The following PCLO variants were observed in gnomAD, a reference collection of about 807,000 sequenced individuals.
PCLO encodes the protein protein piccolo.
In PCLO, 82 loss-of-function variants were observed where a neutral mutation model predicts 427.5. The ratio of observed to expected loss-of-function variants is 0.19; its 90% CI spans 0.16 to 0.23. The LOEUF is 0.23. PCLO is among the 10% of genes least tolerant of loss of function. The probability of loss-of-function intolerance (pLI) is 1.00; values close to 1 mark genes in which losing one functional copy is unlikely to be tolerated. For missense variants in PCLO, 6,239 were observed against 6,115.9 expected, an observed-to-expected ratio of 1.02 and a Z score of -0.67; for synonymous variants, 2,357 against 2,155.4, an observed-to-expected ratio of 1.09 and a Z score of -2.59.
intron 2 of PCLO, among the ~76,000 whole-genome samples, chr7:83,146,020 A>C (rs2116653569): frequency 6.6e-6 from 1 of 152,330 alleles, no homozygotes; most frequent in South Asian, 2.1e-4. Flanking sequence ...ACCCATCTTT[A>C]AAATGTAGAT....
At chr7:82,979,386 T>C (rs1350356817) in intron 3 of PCLO, among the ~76,000 whole-genome samples, 1 of 152,200 alleles carries the variant, frequency 6.6e-6, no homozygotes, top group Non-Finnish European at 1.5e-5. Context: ...TTTTATTTAA[T>C]GATTCTTCAG....
intron 3 of PCLO, among the ~76,000 whole-genome samples, chr7:82,971,499 A>T (rs1456690281): frequency 6.7e-6 from 1 of 148,350 alleles, no homozygotes; most frequent in Non-Finnish European, 1.5e-5. Context: ...AATTTTATAT[A>T]TATAATAAAA....
At chr7:83,108,169 A>G (rs961502590) in intron 3 of PCLO, among the ~76,000 whole-genome samples, 4 of 152,052 alleles carry the variant, frequency 2.6e-5, no homozygotes, top group African/African-American at 4.8e-5. Context: ...ATGTGAGAGA[A>G]AAAAATCTCT....
intron 13 of PCLO, among the ~76,000 whole-genome samples, chr7:82,843,004 A>G (rs1038816703): frequency 4.6e-5 from 7 of 152,080 alleles, no homozygotes; most frequent in African/African-American, 1.4e-4. Flanking sequence ...AGGTTCCTCA[A>G]AAAAATTAAA....
At chr7:83,037,422 T>C (rs1788823115) in intron 3 of PCLO, among the ~76,000 whole-genome samples, 1 of 152,082 alleles carries the variant, frequency 6.6e-6, no homozygotes, top group Non-Finnish European at 1.5e-5. Context: ...TTTAGAATAA[T>C]AGTTGGTTTT....
chr7:83,068,259 ATAGT>A (rs1205648801), intron 3 of PCLO, among the ~76,000 whole-genome samples: 2 of 152,186 alleles, frequency 1.3e-5, no homozygotes, highest in Admixed American at 1.3e-4. Context: ...TGAAAGTATC[ATAGT>A]TAGATCATAG....
chr7:83,139,610 A>G (rs946058072), intron 2 of PCLO, among the ~76,000 whole-genome samples: 8 of 152,212 alleles, frequency 5.3e-5, no homozygotes, highest in Non-Finnish European at 1.0e-4. Flanking sequence ...GGAAAATAGG[A>G]GTCACTGTCC....
chr7:82,832,503 T>C (rs1792119973), intron 16 of PCLO, among the ~76,000 whole-genome samples: 3 of 152,104 alleles, frequency 2.0e-5, no homozygotes, highest in Admixed American at 1.3e-4. Flanking sequence ...ACCACCCTCC[T>C]TGGGCTCCCA....
rs576887895 is a variant in PCLO at position 82,863,037 on chromosome 7, G to C, written c.13655-15790C>G. Among the ~76,000 whole-genome samples, 5 of 152,112 alleles carry C rather than the reference G, an allele frequency of 3.3e-5. No homozygotes were observed. In the East Asian group the frequency reaches 9.6e-4, roughly 29 times the overall value. ...TTTGTAACTCAAAGGATAAATGCTT[G>C]AGGGCATGGATACCCTATTCTCCAT... On this transcript the variant is annotated intron_variant, in intron 10 of 24. Coordinates refer to ENST00000333891, the MANE Select transcript of PCLO (RefSeq NM_033026.6).
At chr7:82,902,609 C>G in intron 9 of PCLO, 42 bp downstream of exon 9, 1 of 1,205,928 alleles carries the variant, frequency 8.3e-7, no homozygotes, top group South Asian at 1.3e-5. Flanking sequence ...CAAAACAAAA[C>G]AAAAAAACAA....
At position 82,767,687 on chromosome 7, in the gene PCLO, A is replaced by G. The variant is rs142642851; in HGVS notation, c.15008-6194T>C. Among the ~76,000 whole-genome samples the G allele has an allele frequency of 2.1e-3, 316 of 151,898 alleles. 2 individuals carry two copies. Among genetic ancestry groups the G allele is most frequent in the African/African-American group, 7.3e-3 (300 of 41,224 alleles). On this transcript the variant is annotated intron_variant, in intron 22 of 24. Transcript: ENST00000333891. ...AGTAAATTCAACAGAATAGAAAATA[A>G]TATCTATTTAAAAATATCAAATTAT...
At chr7:83,107,917 AG>A (rs1157682294) in intron 3 of PCLO, among the ~76,000 whole-genome samples, 14 of 144,572 alleles carry the variant, frequency 9.7e-5, no homozygotes, top group Admixed American at 9.1e-4. Context: ...TGAATCCAGT[AG>A]GCGGAAGATG....
chr7:83,110,628 T>C (rs1790979093), intron 3 of PCLO, among the ~76,000 whole-genome samples: 1 of 152,180 alleles, frequency 6.6e-6, no homozygotes, highest in Non-Finnish European at 1.5e-5. Flanking sequence ...AATAAAAGGC[T>C]GTCCCTGAAA....
chr7:83,001,870 A>G (rs188527146), intron 3 of PCLO, among the ~76,000 whole-genome samples: 49 of 152,104 alleles, frequency 3.2e-4, no homozygotes, highest in Non-Finnish European at 5.9e-4. Flanking sequence ...TTGATGTTCA[A>G]TTCACAAAAG....
At chr7:82,967,276 A>G (rs1207083623) in intron 3 of PCLO, among the ~76,000 whole-genome samples, 2 of 150,228 alleles carry the variant, frequency 1.3e-5, no homozygotes, top group African/African-American at 4.9e-5. Flanking sequence ...CCTGGGTTCA[A>G]GCGATTCTCC....
At chr7:82,900,023 G>T (rs1326173444) in intron 9 of PCLO, among the ~76,000 whole-genome samples, 2 of 151,468 alleles carry the variant, frequency 1.3e-5, no homozygotes, top group Admixed American at 6.6e-5. Context: ...TCTTTTTTTA[G>T]CAAGTAATTA....
chr7:82,870,798 T>C (rs967681294), intron 10 of PCLO, among the ~76,000 whole-genome samples: 2 of 151,986 alleles, frequency 1.3e-5, no homozygotes, highest in Non-Finnish European at 2.9e-5. Context: ...TGAATATACA[T>C]TTCTCAAAAG....
At chr7:82,799,429 T>C (rs905705619) in intron 22 of PCLO, among the ~76,000 whole-genome samples, 2 of 152,162 alleles carry the variant, frequency 1.3e-5, no homozygotes, top group African/African-American at 4.8e-5. Flanking sequence ...AATATGCAAA[T>C]TCTGTCAACT....
Position 82,845,488 on chromosome 7 carries a change from A to G in PCLO, c.13832-3T>C. The G allele has an allele frequency of 6.3e-7, 1 of 1,599,354 alleles. No individual in the cohort carries two copies. Among genetic ancestry groups the G allele is most frequent in the Non-Finnish European group, 8.6e-7 (1 of 1,168,730 alleles). ...CCCTGGGGATTTCGCCTTATCCACT[A>G]CAACAAAATGAAAGAGATTTACATA... is the stretch of plus-strand genomic sequence containing the variant. On this transcript the variant is annotated splice_region_variant and splice_polypyrimidine_tract_variant and intron_variant, in intron 12 of 24. Coordinates refer to ENST00000333891, the MANE Select transcript of PCLO (RefSeq NM_033026.6).
Sources: gnomAD v4.1 joint callset for allele counts (sites outside exome capture counted in the v4.1 genomes callset) on GRCh38, gnomAD v4.1.1 for gene constraint, MANE v1.5 for transcripts, NCBI Gene and HGNC (gene_info 2026-07-23, HGNC 2026-07-21) for gene names.